The following MTMR7 variants were observed in gnomAD, a reference collection of about 807,000 sequenced individuals.
The protein encoded by MTMR7 is myotubularin related protein 7, also known as phosphatidylinositol-3-phosphate phosphatase MTMR7.
A neutral mutation model predicts 81.2 loss-of-function variants in MTMR7; 76 were observed. That is an observed-to-expected ratio of 0.94 (90% CI 0.78 to 1.13). The LOEUF is 1.13. Ranked by LOEUF, MTMR7 falls within the 50% of genes most tolerant of loss-of-function variation. The probability of loss-of-function intolerance (pLI) is 0.00; values close to 1 mark genes in which losing one functional copy is unlikely to be tolerated. For synonymous variants in MTMR7, 372 were observed against 289.8 expected (o/e 1.28, Z -2.88); for missense variants, 1,044 against 820.0 (o/e 1.27, Z -3.34).
intron 1 of MTMR7, among the ~76,000 whole-genome samples, chr8:17,388,670 A>G (rs1821016477): frequency 6.6e-6 from 1 of 152,180 alleles, no homozygotes; most frequent in Non-Finnish European, 1.5e-5. Flanking sequence ...ATGGGGAAAT[A>G]TTTTTCCAAG....
intron 5 of MTMR7, among the ~76,000 whole-genome samples, chr8:17,344,860 C>G (rs1253868097): frequency 6.6e-6 from 1 of 152,036 alleles, no homozygotes; most frequent in Non-Finnish European, 1.5e-5. Flanking sequence ...CTGTATTTTT[C>G]CTAAGGAAAG....
intron 3 of MTMR7, among the ~76,000 whole-genome samples, chr8:17,366,850 C>T (rs1166153780): frequency 1.5e-5 from 2 of 137,028 alleles, no homozygotes; most frequent in East Asian, 2.1e-4. Context: ...CGAGCCACTG[C>T]ACTCCAGCCT....
intron 1 of MTMR7, among the ~76,000 whole-genome samples, chr8:17,392,336 A>C (rs1821131072): frequency 6.6e-6 from 1 of 152,236 alleles, no homozygotes; most frequent in African/African-American, 2.4e-5. Flanking sequence ...ATAAATAAAT[A>C]AATAATGGCT....
chr8:17,378,776 G>A (rs1820668780), intron 1 of MTMR7, among the ~76,000 whole-genome samples: 1 of 152,178 alleles, frequency 6.6e-6, no homozygotes, highest in Non-Finnish European at 1.5e-5. Flanking sequence ...TGTGTAAAAA[G>A]CTATTGTGTC....
At chr8:17,410,072 G>A (rs1821696235) in intron 1 of MTMR7, among the ~76,000 whole-genome samples, 1 of 152,132 alleles carries the variant, frequency 6.6e-6, no homozygotes. Context: ...TAGCAGGGAA[G>A]TAGCATGATC....
At chr8:17,336,004 A>G (rs1194064172) in intron 6 of MTMR7, among the ~76,000 whole-genome samples, 2 of 152,116 alleles carry the variant, frequency 1.3e-5, no homozygotes, top group African/African-American at 4.8e-5. Flanking sequence ...GGGAGAAGAG[A>G]AGAGGTAAAT....
At chr8:17,304,746 C>CGCGTGTGTGTGTGTGTGTGTGTGT (rs1554504622) in intron 11 of MTMR7, among the ~76,000 whole-genome samples, 1 of 146,992 alleles carries the variant, frequency 6.8e-6, no homozygotes, top group Admixed American at 6.7e-5. Context: ...GTGTTCGATT[C>CGCGTGTGTGTGTGTGTGTGTGTGT]GTGTGTGTGT....
In MTMR7 at chr8:17,373,278, G is replaced by A. The variant is rs538051862; in HGVS notation, c.25-38C>T. 5 of 1,578,704 alleles carry A rather than the reference G, an allele frequency of 3.2e-6. No individual in the cohort carries two copies. The African/African-American group carries it at 4.1e-5, about 13-fold the overall frequency. ...GCATGATGAAAAGAGTTACCGTAAA[G>A]CAGAAGAGCAATTCACGAAATAAAT... is the stretch of plus-strand genomic sequence containing the variant. On this transcript the variant is annotated intron_variant, in intron 1 of 13. Transcript: ENST00000180173.
At chr8:17,400,065 A>T (rs1200614567) in intron 1 of MTMR7, among the ~76,000 whole-genome samples, 1 of 152,014 alleles carries the variant, frequency 6.6e-6, no homozygotes, top group African/African-American at 2.4e-5. Context: ...AATACCCTTT[A>T]AAAAATTCTT....
intron 4 of MTMR7, among the ~76,000 whole-genome samples, chr8:17,354,013 G>T (rs980976490): frequency 6.6e-6 from 1 of 152,154 alleles, no homozygotes; most frequent in African/African-American, 2.4e-5. Context: ...AACCAAGTTA[G>T]AATCTTCCAG....
intron 2 of MTMR7, among the ~76,000 whole-genome samples, chr8:17,372,834 T>C (rs1820460919): frequency 1.3e-5 from 2 of 152,100 alleles, no homozygotes; most frequent in South Asian, 4.1e-4. Flanking sequence ...CCTACTGACA[T>C]TATTGAATCT....
intron 7 of MTMR7, 123 bp downstream of exon 7, chr8:17,331,027 A>G: frequency 1.7e-6 from 2 of 1,178,878 alleles, no homozygotes; most frequent in South Asian, 1.5e-5. Context: ...CCACTGTAAC[A>G]TGATATTCTT....
At chr8:17,396,933 G>T (rs1000900389) in intron 1 of MTMR7, among the ~76,000 whole-genome samples, 1 of 151,948 alleles carries the variant, frequency 6.6e-6, no homozygotes, top group Non-Finnish European at 1.5e-5. Context: ...CCCCATTCCA[G>T]GCCTTAGCTC....
At chr8:17,333,951 T>G (rs574510040) in intron 6 of MTMR7, among the ~76,000 whole-genome samples, 1 of 152,250 alleles carries the variant, frequency 6.6e-6, no homozygotes, top group East Asian at 1.9e-4. Context: ...AAAGTTAGAA[T>G]GTAGAATAGA....
intron 4 of MTMR7, among the ~76,000 whole-genome samples, chr8:17,354,379 T>C (rs932599539): frequency 2.0e-5 from 3 of 152,166 alleles, no homozygotes; most frequent in African/African-American, 7.2e-5. Context: ...AGAGTTAGAT[T>C]AAAACTTTAA....
intron 8 of MTMR7, among the ~76,000 whole-genome samples, chr8:17,312,478 GAC>G (rs1464744950): frequency 1.3e-5 from 2 of 149,548 alleles, no homozygotes; most frequent in Admixed American, 1.4e-4. Context: ...GGGAGGCTGA[GAC>G]AGAAGAATCG....
chr8:17,360,669 T>C (rs1820032707), intron 4 of MTMR7, among the ~76,000 whole-genome samples: 1 of 152,066 alleles, frequency 6.6e-6, no homozygotes, highest in Non-Finnish European at 1.5e-5. Context: ...CATGTTTCTC[T>C]AGGGAAGCCT....
intron 3 of MTMR7, among the ~76,000 whole-genome samples, 192 bp from the exon 4 acceptor site, chr8:17,361,466 T>C (rs1197924023): frequency 1.3e-5 from 2 of 152,202 alleles, no homozygotes; most frequent in East Asian, 1.9e-4. Context: ...CAAGATGACC[T>C]TGGGGTACCT....
chr8:17,389,559 G>A (rs1220938983), intron 1 of MTMR7, among the ~76,000 whole-genome samples: 1 of 152,216 alleles, frequency 6.6e-6, no homozygotes, highest in Non-Finnish European at 1.5e-5. Flanking sequence ...CTGATGCCAA[G>A]CACAGATGCT....
Sources: gnomAD v4.1 joint callset for allele counts (sites outside exome capture counted in the v4.1 genomes callset) on GRCh38, gnomAD v4.1.1 for gene constraint, MANE v1.5 for transcripts, NCBI Gene and HGNC (gene_info 2026-07-23, HGNC 2026-07-21) for gene names.